Variants in LRRC37A observed in about 807,000 individuals in gnomAD.
The protein encoded by LRRC37A is leucine rich repeat containing 37A, also known as leucine-rich repeat-containing protein 37A.
Under a neutral mutation model 35.4 loss-of-function variants are expected in LRRC37A, and 3 were observed. The observed-to-expected ratio is 0.08, with a 90% CI of 0.04 to 0.22. The LOEUF is 0.22. LRRC37A is among the 10% of genes least tolerant of loss of function. The probability of loss-of-function intolerance (pLI) is 1.00; values close to 1 mark genes in which losing one functional copy is unlikely to be tolerated. For missense variants in LRRC37A, 67 were observed against 565.3 expected (o/e 0.12, Z 8.94); for synonymous variants, 23 against 215.0 (o/e 0.11, Z 7.81).
chr17:46,279,172 A>C, the LRRC37A span, among the ~76,000 whole-genome samples: 1 of 148,234 alleles, frequency 6.7e-6, no homozygotes, highest in Admixed American at 6.8e-5. Context: ...CTAATAAGGC[A>C]TTCTTTTTTT....
chr17:46,324,751 G>A lies in LRRC37A; in HGVS notation c.3053+1724G>A, dbSNP rs1364519666. Among the ~76,000 whole-genome samples, 11 of 74,144 alleles carry A rather than the reference G, an allele frequency of 1.5e-4. 4 individuals carry two copies. In the East Asian group the frequency reaches 2.8e-3, roughly 19 times the overall value. The allele number at this position is 74,144 out of a possible 152,430, so 48.6% of individuals were successfully genotyped here. A position where few individuals can be genotyped will look rare whatever the true frequency, so the allele number is the denominator to read the frequency against. Reference sequence around the variant, plus strand: ...GCTACTAGGGAACCTGAGTCAGGAGGATCACTTGAACCCAGGAAGTGGAGG... The same window carrying A: ...GCTACTAGGGAACCTGAGTCAGGAGAATCACTTGAACCCAGGAAGTGGAGG... On this transcript the variant is annotated intron_variant, in intron 7 of 13. Coordinates refer to ENST00000320254, the Ensembl canonical transcript of LRRC37A.
the LRRC37A span, among the ~76,000 whole-genome samples, chr17:46,265,688 G>A: frequency 5.9e-5 from 9 of 152,050 alleles, no homozygotes; most frequent in Admixed American, 5.9e-4. Flanking sequence ...ATGTTGCTCA[G>A]GCTGGTCTTG....
chr17:46,279,528 G>T, the LRRC37A span, among the ~76,000 whole-genome samples: 5 of 146,044 alleles, frequency 3.4e-5, no homozygotes, highest in Admixed American at 2.8e-4. Flanking sequence ...TTGAGATAGG[G>T]TCTTGTTGTG....
chr17:46,288,253 C>G (rs1164710851), upstream of LRRC37A, among the ~76,000 whole-genome samples: 2 of 151,892 alleles, frequency 1.3e-5, no homozygotes, highest in Non-Finnish European at 2.9e-5. Context: ...ATGATCCTCC[C>G]ACCTCAGCCT....
At chr17:46,265,011 CG>C in the LRRC37A span, among the ~76,000 whole-genome samples, 23 of 152,250 alleles carry the variant, frequency 1.5e-4, no homozygotes, top group Admixed American at 1.1e-3. Flanking sequence ...AACAGGGCCC[CG>C]AGGGCATGAA....
chr17:46,281,265 C>T, the LRRC37A span, among the ~76,000 whole-genome samples: 1 of 151,898 alleles, frequency 6.6e-6, no homozygotes, highest in African/African-American at 2.4e-5. Context: ...TTAATTTATT[C>T]ACTGCTAAAT....
upstream of LRRC37A, among the ~76,000 whole-genome samples, chr17:46,291,969 C>CAAAAAAAAAAAAAAAAA (rs59554870): frequency 1.7e-5 from 1 of 58,088 alleles, no homozygotes; most frequent in Non-Finnish European, 3.2e-5. Flanking sequence ...TCTCAAAAAG[C>CAAAAAAAAAAAAAAAAA]AAAAAAAAAA....
At chr17:46,286,843 C>T in the LRRC37A span, among the ~76,000 whole-genome samples, 18,395 of 152,136 alleles carry the variant, frequency 0.12, no homozygotes, top group Non-Finnish European at 0.18. Context: ...CTCACTGCTG[C>T]CCTCTTGTGC....
upstream of LRRC37A, among the ~76,000 whole-genome samples, chr17:46,288,593 C>A (rs2049981508): frequency 6.6e-6 from 1 of 150,954 alleles, no homozygotes. Context: ...CCACAGGGCC[C>A]AGCCTCTTTT....
At chr17:46,284,783 GACT>G in the LRRC37A span, among the ~76,000 whole-genome samples, 1 of 152,246 alleles carries the variant, frequency 6.6e-6, no homozygotes, top group Non-Finnish European at 1.5e-5. Flanking sequence ...CACACATTGA[GACT>G]ACGATTCCCT....
At chr17:46,268,358 C>T in the LRRC37A span, 10 of 670,194 alleles carry the variant, frequency 1.5e-5, no homozygotes, top group East Asian at 4.5e-4. Flanking sequence ...TAGACTGTTT[C>T]CACCTTGCCT....
the LRRC37A span, among the ~76,000 whole-genome samples, chr17:46,270,349 T>C: frequency 6.6e-6 from 1 of 152,204 alleles, no homozygotes; most frequent in African/African-American, 2.4e-5. Flanking sequence ...TTGTTCCAAT[T>C]ATGGGGCAGA....
chr17:46,268,086 G>T, the LRRC37A span, among the ~76,000 whole-genome samples: 1 of 151,926 alleles, frequency 6.6e-6, no homozygotes, highest in Non-Finnish European at 1.5e-5. Flanking sequence ...ATCTTTCTAG[G>T]CATGTGCTCT....
At position 46,325,764 on chromosome 17, in the gene LRRC37A, T is replaced by C. The variant is rs1296655732; in HGVS notation, c.3054-2628T>C. On this transcript the variant is annotated intron_variant, in intron 7 of 13. Coordinates refer to ENST00000320254, the Ensembl canonical transcript of LRRC37A. ...TGAAGTCTTCAATGGTGAAGGGTCA[T>C]TATGTCTGCAACTGACTCTCAAATG... 1.3e-4 allele frequency among the ~76,000 whole-genome samples: 10 copies of C among 78,538 alleles called. 2 individuals are homozygous for C. The highest frequency in any genetic ancestry group is 2.9e-4 in the African/African-American group (9 of 31,272). 51.5% of individuals were successfully genotyped at this position (78,538 alleles called of 152,430 possible).
At chr17:46,281,025 T>G in the LRRC37A span, among the ~76,000 whole-genome samples, 7,801 of 134,646 alleles carry the variant, frequency 0.058, no homozygotes, top group Middle Eastern at 0.11. Flanking sequence ...CTTTTAGATT[T>G]ATTCTTCCAT....
the LRRC37A span, among the ~76,000 whole-genome samples, chr17:46,287,026 A>T: frequency 6.6e-6 from 1 of 152,260 alleles, no homozygotes; most frequent in Non-Finnish European, 1.5e-5. Flanking sequence ...ATGGTACTTA[A>T]ATCTGTCTTC....
chr17:46,278,401 G>GTTTTTTTTTTTTTT, the LRRC37A span, among the ~76,000 whole-genome samples: 1 of 129,700 alleles, frequency 7.7e-6, no homozygotes. Flanking sequence ...GTTTTATTTT[G>GTTTTTTTTTTTTTT]TTTTTTTTTT....
chr17:46,265,945 A>G, the LRRC37A span, among the ~76,000 whole-genome samples: 1 of 152,220 alleles, frequency 6.6e-6, no homozygotes, highest in Non-Finnish European at 1.5e-5. Flanking sequence ...AAATATACAA[A>G]AATTAGCCTG....
At chr17:46,254,630 C>G in the LRRC37A span, among the ~76,000 whole-genome samples, 1 of 151,768 alleles carries the variant, frequency 6.6e-6, no homozygotes, top group South Asian at 2.1e-4. Flanking sequence ...CAACCTCCAC[C>G]TCCTGGGTTG....
Sources: allele counts gnomAD v4.1 joint callset (sites outside exome capture counted in the v4.1 genomes callset), GRCh38; gene constraint gnomAD v4.1.1; transcripts MANE v1.5; gene names NCBI Gene and HGNC (gene_info 2026-07-23, HGNC 2026-07-21).